Variants in RGS12 observed in about 807,000 individuals in gnomAD.
RGS12 encodes the protein regulator of G-protein signaling 12.
Under a neutral mutation model 120.1 loss-of-function variants are expected in RGS12, and 66 were observed. The observed-to-expected ratio is 0.55, with a 90% CI of 0.45 to 0.67. RGS12 has a LOEUF of 0.67. Among genes scored for constraint, RGS12 ranks in the 30% least tolerant of loss-of-function variants. RGS12 has a pLI of 0.00. For missense variants in RGS12, 1,859 were observed against 1,957.7 expected (o/e 0.95, Z 0.95); for synonymous variants, 827 against 804.7 (o/e 1.03, Z -0.47).
intron 17 of RGS12, chr4:3,432,319 C>A: frequency 2.5e-6 from 1 of 401,876 alleles, no homozygotes; most frequent in Non-Finnish European, 3.4e-6. Context: ...TAAAAATATA[C>A]CATCCACTGA....
At chr4:3,286,794 G>A in the RGS12 span, among the ~76,000 whole-genome samples, 1 of 152,244 alleles carries the variant, frequency 6.6e-6, no homozygotes, top group African/African-American at 2.4e-5. Context: ...AAACGGGCAT[G>A]TGCAGGGTTG....
At position 3,316,945 on chromosome 4, in the gene RGS12, A is replaced by G. The variant is rs550978783; in HGVS notation, c.775A>G (p.Met259Val). Residue 259 changes from methionine (M) to valine (V), a missense_variant, in exon 2 of 18, where the codon ATG becomes GTG. By Grantham distance (21) the Met-to-Val change is conservative. This residue lies in a region of RGS12 where 967 missense variants were observed against 994.2 expected (regional missense o/e 0.97). Coordinates refer to ENST00000336727, the MANE Select transcript of RGS12 (RefSeq NM_001394154.1). ...CAGCTTGCAAGCCATCCGCGGCTGC[A>G]TGCGGCGCCTGCGGGCAGAGCAGAA... ...SDSLQAIRGC[M>V]RRLRAEQKIH... 4.3e-6 allele frequency: 7 copies of G among 1,613,948 alleles called. No individual in the cohort carries two copies. Among genetic ancestry groups the G allele is most frequent in the Admixed American group, 1.7e-5 (1 of 60,034 alleles).
chr4:3,434,605 C>T (rs576706471), intron 17 of RGS12, among the ~76,000 whole-genome samples: 2 of 152,324 alleles, frequency 1.3e-5, no homozygotes, highest in African/African-American at 4.8e-5. Flanking sequence ...TAGCAGTCAT[C>T]TTCCACCCCT....
intron 16 of RGS12, 101 bp downstream of exon 16, chr4:3,428,812 GCGGTCCGTCCC>G (rs1258304333): frequency 9.6e-7 from 1 of 1,044,646 alleles, no homozygotes; most frequent in Non-Finnish European, 1.4e-6. Flanking sequence ...CTGGGTGACT[GCGGTCCGTCCC>G]TGTGGCCTGG....
intron 1 of RGS12, among the ~76,000 whole-genome samples, chr4:3,298,004 C>T (rs1032230628): frequency 5.3e-5 from 8 of 152,002 alleles, no homozygotes; most frequent in East Asian, 3.9e-4. Context: ...ATGATTTTTT[C>T]GGAATTTTGA....
chr4:3,296,956 C>T (rs1310368772), intron 1 of RGS12, among the ~76,000 whole-genome samples: 1 of 152,172 alleles, frequency 6.6e-6, no homozygotes, highest in Non-Finnish European at 1.5e-5. Context: ...TGCAGTTTTA[C>T]CTGTGGTTTT....
chr4:3,377,721 G>A (rs977514203), intron 3 of RGS12, among the ~76,000 whole-genome samples: 4 of 152,220 alleles, frequency 2.6e-5, no homozygotes, highest in African/African-American at 7.2e-5. Context: ...ATCCGTGAAT[G>A]TGGGTGGCCC....
At chr4:3,427,066 C>G (rs1051059888) in intron 14 of RGS12, among the ~76,000 whole-genome samples, 2 of 152,196 alleles carry the variant, frequency 1.3e-5, no homozygotes, top group Non-Finnish European at 2.9e-5. Context: ...GGAGCTCCAA[C>G]TCTTGCTCCC....
chr4:3,421,915 A>G (rs1341096734), intron 10 of RGS12, among the ~76,000 whole-genome samples: 2 of 152,234 alleles, frequency 1.3e-5, no homozygotes, highest in Non-Finnish European at 2.9e-5. Flanking sequence ...CTCAGGGAAA[A>G]GAGACCTCAG....
Position 3,425,524 on chromosome 4 carries a change from G to A in RGS12, c.3295G>A (p.Val1099Ile), listed in dbSNP as rs1175716326. ...TATATCGAGTCTGGACGGACAGCGG[G>A]TTGTCTTGGAGGAGAAGGATCCTTC... ...APISSLDGQRVVLEEKDPSRG... is the reference protein window; with the variant it reads ...APISSLDGQRIVLEEKDPSRG... The change falls in exon 14 of 18, where the codon GTT (valine) becomes ATT (isoleucine). Residue 1099 changes from valine (V) to isoleucine (I), a missense_variant. Physicochemically the swap from Val to Ile is conservative, Grantham distance 29. Coordinates refer to ENST00000336727, the MANE Select transcript of RGS12 (RefSeq NM_001394154.1). The A allele has an allele frequency of 1.9e-6, 3 of 1,611,610 alleles. No homozygotes were observed. The highest frequency in any genetic ancestry group is 2.5e-6 in the Non-Finnish European group (3 of 1,179,668).
chr4:3,422,874 C>G (rs770258323), intron 11 of RGS12, 31 bp from the exon 12 acceptor site: 1 of 1,598,668 alleles, frequency 6.3e-7, no homozygotes, highest in Non-Finnish European at 8.6e-7. Flanking sequence ...CCTGCTGTGC[C>G]CACGTTGATT....
chr4:3,421,449 C>G (rs978559939), intron 10 of RGS12, among the ~76,000 whole-genome samples: 1 of 152,236 alleles, frequency 6.6e-6, no homozygotes, highest in African/African-American at 2.4e-5. Context: ...TCCGCACCCC[C>G]AAACTCAGAG....
rs116817138 is a variant in RGS12 at position 3,402,182 on chromosome 4, A to T, written c.2021-11890A>T. 9.4e-3 allele frequency among the ~76,000 whole-genome samples: 1,427 copies of T among 152,380 alleles called. 28 individuals are homozygous for T. The highest frequency in any genetic ancestry group is 0.033 in the African/African-American group (1,371 of 41,592). On this transcript the variant is annotated intron_variant, in intron 4 of 17. Transcript: ENST00000336727. Reference sequence around the variant, plus strand: ...ATATAAAAGGTACAAACATTGCATTATGCTTAGTTTTACATCTAACATATT... The same window carrying T: ...ATATAAAAGGTACAAACATTGCATTTTGCTTAGTTTTACATCTAACATATT...
At chr4:3,375,834 C>A (rs928119919) in intron 3 of RGS12, among the ~76,000 whole-genome samples, 2 of 152,258 alleles carry the variant, frequency 1.3e-5, no homozygotes, top group Admixed American at 1.3e-4. Flanking sequence ...CAGAACCTCT[C>A]AGCACAGCTG....
At chr4:3,298,373 C>T (rs1120898) in intron 1 of RGS12, among the ~76,000 whole-genome samples, 7,738 of 151,812 alleles carry the variant, frequency 0.051, 229 homozygotes, top group South Asian at 0.095. Context: ...TTTTAAGAGA[C>T]GGAGTCTCAC....
At chr4:3,350,559 G>A (rs528159229) in intron 3 of RGS12, among the ~76,000 whole-genome samples, 24 of 152,230 alleles carry the variant, frequency 1.6e-4, no homozygotes, top group Admixed American at 3.9e-4. Flanking sequence ...GTACACACCT[G>A]TAGTCCCAGC....
At chr4:3,371,073 G>C (rs966387800) in intron 3 of RGS12, among the ~76,000 whole-genome samples, 1 of 152,222 alleles carries the variant, frequency 6.6e-6, no homozygotes, top group Non-Finnish European at 1.5e-5. Context: ...TACTAGTTTA[G>C]AGATGAGGGG....
chr4:3,288,153 G>A (rs1018881323), upstream of RGS12, among the ~76,000 whole-genome samples: 3 of 152,212 alleles, frequency 2.0e-5, no homozygotes, highest in African/African-American at 4.8e-5. The surrounding 1 kb of genome is among the most constrained non-coding windows in gnomAD (Gnocchi z 5.2). Context: ...AACTACTGCC[G>A]CATGGGGAGT....
Position 3,422,517 on chromosome 4 carries a change from C to A in RGS12, c.2980C>A (p.Arg994=), listed in dbSNP as rs772197757. ...AGACATCCTGTCCGGACTCTGTGAGCGGCATGGCATCAACGGGGCGGCCGC... is the reference window on the plus strand; with the variant it reads ...AGACATCCTGTCCGGACTCTGTGAGAGGCATGGCATCAACGGGGCGGCCGC... ...IKDILSGLCE[R]HGINGAAADL... Residue 994 remains arginine (R), a synonymous_variant, in exon 11 of 18, where the codon CGG becomes AGG. Transcript: ENST00000336727. 1 of 1,612,756 alleles carries A rather than the reference C, an allele frequency of 6.2e-7. No individual in the cohort carries two copies. The highest frequency in any genetic ancestry group is 8.5e-7 in the Non-Finnish European group (1 of 1,179,958).
Sources: gnomAD v4.1 joint callset for allele counts (sites outside exome capture counted in the v4.1 genomes callset) on GRCh38, gnomAD v4.1.1 for gene constraint, gnomAD v4.1.1 regional missense constraint, Gnocchi (gnomAD v3.1) non-coding constraint, MANE v1.5 for transcripts, NCBI Gene and HGNC (gene_info 2026-07-23, HGNC 2026-07-21) for gene names.